GSN: variants seen among roughly 807,000 people sequenced by gnomAD.
GSN encodes the protein gelsolin.
A neutral mutation model predicts 85.7 loss-of-function variants in GSN; 56 were observed. That is an observed-to-expected ratio of 0.65 (90% CI 0.53 to 0.82). GSN has a LOEUF of 0.82. Among genes scored for constraint, GSN ranks in the 40% least tolerant of loss-of-function variants. The pLI is 0.00. For synonymous variants in GSN, 373 were observed against 399.1 expected, an observed-to-expected ratio of 0.93 and a Z score of 0.78; for missense variants, 857 against 979.8, an observed-to-expected ratio of 0.87 and a Z score of 1.67.
chr9:121,218,610 A>G (rs1300527293), intron 4 of GSN, among the ~76,000 whole-genome samples: 1 of 152,186 alleles, frequency 6.6e-6, no homozygotes, highest in South Asian at 2.1e-4. Context: ...ACTCCAGCCT[A>G]GGTAACAGAG....
rs1158646977 is a variant in GSN at position 121,261,410 on chromosome 9, C to T, written c.-340-3744C>T. On this transcript the variant is annotated intron_variant, in intron 6 of 24. Transcript: ENST00000373823. The surrounding 1 kb of genome is among the most constrained non-coding windows in gnomAD (Gnocchi z 4.1). ...GTGCCTTCATTCAGCCTGGCATGCT[C>T]CCAGCCCCACATGAAAGGCAGTGGC... 6.6e-6 allele frequency among the ~76,000 whole-genome samples: 1 copy of T among 152,260 alleles called. No homozygotes were observed. Among genetic ancestry groups the T allele is most frequent in the Non-Finnish European group, 1.5e-5 (1 of 68,042 alleles).
chr9:121,323,442 T>C (rs1223576703), intron 11 of GSN, among the ~76,000 whole-genome samples: 1 of 149,494 alleles, frequency 6.7e-6, no homozygotes, highest in Non-Finnish European at 1.5e-5. Flanking sequence ...TGATCTCGGC[T>C]CACTGCAACC....
At chr9:121,310,216 ACAGT>A in intron 4 of GSN, 1 of 256,122 alleles carries the variant, frequency 3.9e-6, no homozygotes, top group Non-Finnish European at 7.7e-6. Context: ...GCGTTGTATA[ACAGT>A]CAGGGAGGGT....
chr9:121,210,951 C>T lies in GSN; in HGVS notation c.-528+84C>T, dbSNP rs575990088. The T allele has an allele frequency of 5.9e-5, 9 of 152,314 alleles. No individual in the cohort carries two copies. In the South Asian group the frequency reaches 1.9e-3, roughly 32 times the overall value. 9.4% of individuals were successfully genotyped at this position (152,314 alleles called of 1,614,324 possible). A position where few individuals can be genotyped will look rare whatever the true frequency, so the allele number is the denominator to read the frequency against. On this transcript the variant is annotated intron_variant, in intron 4 of 24. Coordinates refer to the GSN transcript ENST00000373823. ...AATGAATGGATGACAAAATGTGATACATGCCACATTTGGGGATATTGTTGA... is the reference window on the plus strand; with the variant it reads ...AATGAATGGATGACAAAATGTGATATATGCCACATTTGGGGATATTGTTGA...
chr9:121,311,942 G>A (rs2061196325), intron 5 of GSN: 2 of 231,066 alleles, frequency 8.7e-6, no homozygotes, highest in Non-Finnish European at 1.7e-5. Context: ...GTGGACATAC[G>A]AACGTACTTC....
At chr9:121,307,871 C>T (rs374722084) in intron 4 of GSN, among the ~76,000 whole-genome samples, 1 of 152,172 alleles carries the variant, frequency 6.6e-6, no homozygotes, top group South Asian at 2.1e-4. Context: ...TGCCTTTCTG[C>T]GCTTCCCCTG....
intron 5 of GSN, 32 bp from the exon 6 acceptor site, chr9:121,312,307 G>A: frequency 6.2e-7 from 1 of 1,613,350 alleles, no homozygotes. Context: ...TAGGAAGGCG[G>A]GGCACTGACT....
chr9:121,319,111 A>T (rs2062072539), intron 10 of GSN, among the ~76,000 whole-genome samples: 1 of 152,192 alleles, frequency 6.6e-6, no homozygotes, highest in Non-Finnish European at 1.5e-5. Flanking sequence ...AGGGGAGTTG[A>T]CCATAGCCAC....
rs1213702142 is a variant in GSN, at chr9:121,318,718, G to C, written c.1029G>C (p.Lys343Asn). 6.2e-7 allele frequency: 1 copy of C among 1,614,008 alleles called. No individual in the cohort carries two copies. Residue 343 changes from lysine to asparagine, a missense_variant, in exon 10 of 18, where the codon AAG becomes AAC. Physicochemically the swap from Lys to Asn is moderately conservative, Grantham distance 94. Coordinates refer to ENST00000432226, the MANE Select transcript of GSN (RefSeq NM_198252.3). This position sits in a 1 kb window ranked among gnomAD's most constrained non-coding sequence, Gnocchi z 4.3. Reference sequence around the variant, plus strand: ...CCCCACTGTTCAAGCAGTTCTTCAAGAACTGGCGGGACCCAGACCAGACAG... The same window carrying C: ...CCCCACTGTTCAAGCAGTTCTTCAACAACTGGCGGGACCCAGACCAGACAG... ...GETPLFKQFF[K>N]NWRDPDQTDG...
chr9:121,265,435 C>G (rs544881810), upstream of GSN: 10 of 152,356 alleles, frequency 6.6e-5, no homozygotes, highest in Non-Finnish European at 1.3e-4. Context: ...GTTAATTAAC[C>G]ATGATTGTCA....
Position 121,326,218 on chromosome 9 carries a change from C to T in GSN, c.1417-294C>T, listed in dbSNP as rs183410945. Among the ~76,000 whole-genome samples, 6 of 151,862 alleles carry T rather than the reference C, an allele frequency of 4.0e-5. No homozygotes were observed. The East Asian group carries it at 7.7e-4, about 20-fold the overall frequency. On this transcript the variant is annotated intron_variant, in intron 12 of 17. Coordinates refer to ENST00000432226, the MANE Select transcript of GSN (RefSeq NM_198252.3). Reference sequence around the variant, plus strand: ...ATCCCTGTGCTTCTATTTAAGGGAACATTTGCAAACACAGGCTCTCCTGGT... The same window carrying T: ...ATCCCTGTGCTTCTATTTAAGGGAATATTTGCAAACACAGGCTCTCCTGGT...
chr9:121,293,273 T>A (rs750760077), intron 2 of GSN, among the ~76,000 whole-genome samples: 82 of 152,164 alleles, frequency 5.4e-4, no homozygotes, highest in Non-Finnish European at 1.3e-4. Flanking sequence ...TCTTTTAGCA[T>A]CCTTGAGTCC....
In GSN at chr9:121,311,096, G is replaced by A. The variant is rs2061075909; in HGVS notation, c.513+251G>A. 5 of 545,902 alleles carry A rather than the reference G, an allele frequency of 9.2e-6. No homozygotes were observed. The South Asian group carries it at 1.0e-4, about 11-fold the overall frequency. The allele number at this position is 545,902 out of a possible 1,614,324, so 33.8% of individuals were successfully genotyped here. A position where few individuals can be genotyped will look rare whatever the true frequency, so the allele number is the denominator to read the frequency against. Reference sequence around the variant, plus strand: ...CACCTTCTGTTCATATGTACGTCTTGTGTCCTTTTTCACATGCTTATAAAT... The same window carrying A: ...CACCTTCTGTTCATATGTACGTCTTATGTCCTTTTTCACATGCTTATAAAT... On this transcript the variant is annotated intron_variant, in intron 5 of 17. Transcript: ENST00000432226.
rs2064077716 is a variant in GSN at position 121,332,579 on chromosome 9, G to A, written c.2172G>A (p.Arg724=). Residue 724 remains arginine (R), a synonymous_variant, in exon 18 of 18, where the codon AGG becomes AGA. Transcript: ENST00000432226. The surrounding 1 kb of genome is among the most constrained non-coding windows in gnomAD (Gnocchi z 4.8). The part of the protein sequence containing the change: ...DDYWSVDPLD[R]AMAELAA ...ACTGGTCTGTGGACCCCTTGGACAG[G>A]GCCATGGCTGAGCTGGCTGCCTGAG... The A allele has an allele frequency of 6.2e-7, 1 of 1,613,764 alleles. No homozygotes were observed. Among genetic ancestry groups the A allele is most frequent in the Non-Finnish European group, 8.5e-7 (1 of 1,179,980 alleles).
At chr9:121,281,709 C>T (rs1194911062) in intron 2 of GSN, 147 bp downstream of exon 2, 5 of 471,238 alleles carry the variant, frequency 1.1e-5, no homozygotes, top group Middle Eastern at 3.2e-4. Context: ...TAATAAGGCT[C>T]AGAGTGCGTC....
chr9:121,297,499 CCTT>C (rs1362361883), intron 2 of GSN, among the ~76,000 whole-genome samples: 5 of 152,190 alleles, frequency 3.3e-5, no homozygotes, highest in East Asian at 1.9e-4. Flanking sequence ...AAATTCTCCT[CCTT>C]CTTCCCTTTC....
chr9:121,226,645 T>C (rs1347869595), intron 4 of GSN, among the ~76,000 whole-genome samples: 1 of 152,224 alleles, frequency 6.6e-6, no homozygotes, highest in East Asian at 1.9e-4. Flanking sequence ...TCCTGAGACA[T>C]AGGTGAACTA....
Position 121,324,604 on chromosome 9 carries a change from C to G in GSN, c.1376C>G (p.Thr459Ser), listed in dbSNP as rs1467236913. The change falls in exon 12 of 18, where the codon ACT becomes AGT. Residue 459 changes from threonine (T) to serine (S), a missense_variant. Transcript: ENST00000432226. ...GAGGTCGCTGCATCTGCCATCCTGACTGCTCAGCTGGATGAGGAGCTGGGA... is the reference window on the plus strand; with the variant it reads ...GAGGTCGCTGCATCTGCCATCCTGAGTGCTCAGCTGGATGAGGAGCTGGGA... ...QDEVAASAIL[T>S]AQLDEELGGT... is the part of the protein sequence containing the mutation. 4.5e-6 allele frequency: 7 copies of G among 1,546,202 alleles called. No individual in the cohort carries two copies. The highest frequency in any genetic ancestry group is 6.1e-6 in the Non-Finnish European group (7 of 1,143,948).
At position 121,312,435 on chromosome 9, in the gene GSN, C is replaced by A. The variant is rs763444610; in HGVS notation, c.610C>A (p.Arg204=). ...KGIRDNERSG[R]ARVHVSEEGT... is the part of the protein sequence containing the mutation. The stretch of plus-strand genomic sequence containing the variant: ...CATCCGGGACAACGAGCGGAGTGGC[C>A]GGGCCCGAGTGCACGTGTCTGAGGA... Residue 204 remains arginine, a synonymous_variant, in exon 6 of 18, where the codon CGG becomes AGG. Transcript: ENST00000432226. 1 of 1,614,034 alleles carries A rather than the reference C, an allele frequency of 6.2e-7. No homozygotes were observed. Among genetic ancestry groups the A allele is most frequent in the Non-Finnish European group, 8.5e-7 (1 of 1,179,996 alleles).
Sources: gnomAD v4.1 joint callset for allele counts (sites outside exome capture counted in the v4.1 genomes callset) on GRCh38, gnomAD v4.1.1 for gene constraint, Gnocchi (gnomAD v3.1) non-coding constraint, MANE v1.5 for transcripts, NCBI Gene and HGNC (gene_info 2026-07-23, HGNC 2026-07-21) for gene names.